Variants in MAP4K5 observed in about 807,000 individuals in gnomAD.
MAP4K5 encodes mitogen-activated protein kinase kinase kinase kinase 5.
A neutral mutation model predicts 135.6 loss-of-function variants in MAP4K5; 82 were observed. That is an observed-to-expected ratio of 0.60 (90% CI 0.51 to 0.73). The LOEUF is 0.73. Among genes scored for constraint, MAP4K5 ranks in the 30% least tolerant of loss-of-function variants. The pLI is 0.00. For missense variants in MAP4K5, 907 were observed against 1,010.9 expected (o/e 0.90, Z 1.39); for synonymous variants, 347 against 335.0 (o/e 1.04, Z -0.39).
chr14:50,519,685 T>A (rs564232062), intron 2 of MAP4K5, among the ~76,000 whole-genome samples: 2 of 151,556 alleles, frequency 1.3e-5, no homozygotes, highest in African/African-American at 2.4e-5. Context: ...AAAATAAAAA[T>A]AAAAAATGAA....
chr14:50,435,560 T>TG (rs2036071812), intron 26 of MAP4K5, among the ~76,000 whole-genome samples: 1 of 151,760 alleles, frequency 6.6e-6, no homozygotes. Flanking sequence ...TTTTAAGAGA[T>TG]GGGGTCTCAC....
intron 2 of MAP4K5, among the ~76,000 whole-genome samples, chr14:50,541,530 A>T (rs1488277752): frequency 6.6e-6 from 1 of 152,186 alleles, no homozygotes; most frequent in African/African-American, 2.4e-5. Context: ...TCTTTGACCC[A>T]TGTAACCTGT....
chr14:50,425,327 C>T (rs889364389), intron 31 of MAP4K5, among the ~76,000 whole-genome samples: 1 of 152,158 alleles, frequency 6.6e-6, no homozygotes, highest in African/African-American at 2.4e-5. Flanking sequence ...TACTTAACCA[C>T]TCTGTAGCTG....
At chr14:50,469,150 C>T (rs1307378953) in intron 9 of MAP4K5, among the ~76,000 whole-genome samples, 5 of 152,066 alleles carry the variant, frequency 3.3e-5, no homozygotes, top group African/African-American at 1.2e-4. Context: ...GGGTGGGGAG[C>T]CTGGACATTT....
At chr14:50,433,919 A>C (rs1175937735) in intron 28 of MAP4K5, among the ~76,000 whole-genome samples, 1 of 152,152 alleles carries the variant, frequency 6.6e-6, no homozygotes, top group Non-Finnish European at 1.5e-5. Context: ...CATTTTTTTC[A>C]GATCTTTCAC....
chr14:50,428,772 AGTC>A lies in MAP4K5; in HGVS notation c.2234-21_2234-19del. 1.3e-5 allele frequency: 16 copies of A among 1,209,130 alleles called. No homozygotes were observed. The highest frequency in any genetic ancestry group is 1.7e-5 in the Non-Finnish European group (15 of 867,018). 74.9% of individuals were successfully genotyped at this position (1,209,130 alleles called of 1,614,324 possible). A position where few individuals can be genotyped will look rare whatever the true frequency, so the allele number is the denominator to read the frequency against. On this transcript the variant is annotated intron_variant, in intron 29 of 32. Transcript: ENST00000682126. Reference sequence around the variant, plus strand: ...CACAAATTCTTAAAAAAAAAAAACAAGTCAAGACTGGACATGCAAATCTGCTAA... The same window carrying A: ...CACAAATTCTTAAAAAAAAAAAACAAAAGACTGGACATGCAAATCTGCTAA...
At chr14:50,560,423 C>T in intron 1 of MAP4K5, 2 of 1,301,136 alleles carry the variant, frequency 1.5e-6, no homozygotes, top group East Asian at 2.5e-5. Context: ...GGGAGACGGG[C>T]CGTAGCCGAG....
intron 3 of MAP4K5, among the ~76,000 whole-genome samples, chr14:50,503,757 G>A (rs1252930830): frequency 6.6e-6 from 1 of 152,006 alleles, no homozygotes. Context: ...ACAGAAAAGG[G>A]ATAAATATCT....
chr14:50,494,387 C>T (rs930219353), intron 3 of MAP4K5, among the ~76,000 whole-genome samples: 1 of 151,942 alleles, frequency 6.6e-6, no homozygotes, highest in Non-Finnish European at 1.5e-5. Context: ...AGGCTGGTCT[C>T]GAACTCCTGA....
chr14:50,451,588 G>A (rs1046457465), intron 14 of MAP4K5, among the ~76,000 whole-genome samples: 4 of 151,784 alleles, frequency 2.6e-5, no homozygotes, highest in African/African-American at 7.3e-5. Context: ...TAAAAACTGA[G>A]TTGATGTCAT....
chr14:50,434,267 C>A, intron 28 of MAP4K5, 127 bp downstream of exon 28: 1 of 670,652 alleles, frequency 1.5e-6, no homozygotes. Context: ...TATGGGCTTA[C>A]TTGGGAAACT....
intron 32 of MAP4K5, 64 bp downstream of exon 32, chr14:50,423,057 G>A: frequency 1.4e-6 from 1 of 720,600 alleles, no homozygotes; most frequent in African/African-American, 1.8e-5. Flanking sequence ...CAGACTGACA[G>A]TATAATTAAG....
chr14:50,519,564 G>A (rs1486133561), intron 2 of MAP4K5, among the ~76,000 whole-genome samples: 1 of 152,110 alleles, frequency 6.6e-6, no homozygotes, highest in Non-Finnish European at 1.5e-5. Context: ...TGAAGCAGGA[G>A]AATTGCTTGA....
rs938792004 is a variant in MAP4K5, at chr14:50,490,866, CTTGTAAAAACATAG to C, written c.167-4686_167-4673del. Among the ~76,000 whole-genome samples, 4 of 152,232 alleles carry C rather than the reference CTTGTAAAAACATAG, an allele frequency of 2.6e-5. No homozygotes were observed. The South Asian group carries it at 6.2e-4, about 24-fold the overall frequency. Reference sequence around the variant, plus strand: ...CATTATTAATGCCACACTCAAAACACTTGTAAAAACATAGTAAGAAAAAAGTAGAAATCTTGGGA... The same window carrying C: ...CATTATTAATGCCACACTCAAAACACTAAGAAAAAAGTAGAAATCTTGGGA... On this transcript the variant is annotated intron_variant, in intron 3 of 32. Coordinates refer to ENST00000682126, the MANE Select transcript of MAP4K5 (RefSeq NM_006575.6).
intron 2 of MAP4K5, among the ~76,000 whole-genome samples, chr14:50,530,331 G>C (rs1408064909): frequency 6.6e-6 from 1 of 152,182 alleles, no homozygotes; most frequent in African/African-American, 2.4e-5. Flanking sequence ...TCCTGCTCCA[G>C]AGTTGCTTTA....
At chr14:50,526,715 T>C (rs1458808530) in intron 2 of MAP4K5, among the ~76,000 whole-genome samples, 1 of 152,260 alleles carries the variant, frequency 6.6e-6, no homozygotes, top group Non-Finnish European at 1.5e-5. Flanking sequence ...AATGAATGAA[T>C]GCTTCTAGAA....
chr14:50,456,763 G>T, intron 13 of MAP4K5, 169 bp from the exon 14 acceptor site: 1 of 562,740 alleles, frequency 1.8e-6, no homozygotes, highest in Non-Finnish European at 3.1e-6. Flanking sequence ...TTTTTCACTT[G>T]TTCCATGTTT....
At chr14:50,533,068 A>G (rs1484788411), upstream of MAP4K5, 4 of 152,286 alleles carry the variant, frequency 2.6e-5, no homozygotes, top group East Asian at 7.7e-4. Context: ...TTGCAAACCG[A>G]TCCCGGTGGT....
At chr14:50,448,263 C>A (rs112420808) in intron 15 of MAP4K5, among the ~76,000 whole-genome samples, 81 of 152,240 alleles carry the variant, frequency 5.3e-4, no homozygotes, top group African/African-American at 1.8e-3. Flanking sequence ...GATCTGTCTG[C>A]CTCAGCCTCC....
Sources: allele counts gnomAD v4.1 joint callset (sites outside exome capture counted in the v4.1 genomes callset), GRCh38; gene constraint gnomAD v4.1.1; transcripts MANE v1.5; gene names NCBI Gene and HGNC (gene_info 2026-07-23, HGNC 2026-07-21).